The following DNAH17 variants were observed in gnomAD, a reference collection of about 807,000 sequenced individuals.
DNAH17 encodes axonemal beta dynein heavy chain 17.
Under a neutral mutation model 485.6 loss-of-function variants are expected in DNAH17, and 376 were observed. The ratio of observed to expected loss-of-function variants is 0.77; its 90% confidence interval spans 0.71 to 0.84. DNAH17 has a LOEUF of 0.84. Ranked by LOEUF, DNAH17 falls within the 40% of genes least tolerant of loss-of-function variation. DNAH17 has a pLI of 0.00. For missense variants in DNAH17, 6,370 were observed against 5,839.3 expected (o/e 1.09, Z -2.96); for synonymous variants, 3,031 against 2,405.9 (o/e 1.26, Z -7.60).
intron 2 of DNAH17, among the ~76,000 whole-genome samples, chr17:78,574,510 A>T (rs1358505837): frequency 6.6e-6 from 1 of 151,978 alleles, no homozygotes; most frequent in Non-Finnish European, 1.5e-5. Flanking sequence ...CTCAAAAAAA[A>T]AAAAAAATTT....
intron 14 of DNAH17, among the ~76,000 whole-genome samples, chr17:78,557,511 C>T (rs142123775): frequency 0.036 from 5,457 of 151,630 alleles, 158 homozygotes; most frequent in South Asian, 0.08. Context: ...TGGTGGTACA[C>T]GCCTGTAGTC....
intron 74 of DNAH17, among the ~76,000 whole-genome samples, chr17:78,436,491 G>A (rs2086853729): frequency 6.6e-6 from 1 of 152,012 alleles, no homozygotes; most frequent in African/African-American, 2.4e-5. Flanking sequence ...TCAAGTTTGT[G>A]CACACAAAAA....
At chr17:78,475,194 C>T (rs1006290330) in intron 54 of DNAH17, 84 bp downstream of exon 54, 1 of 1,473,002 alleles carries the variant, frequency 6.8e-7, no homozygotes, top group African/African-American at 1.4e-5. Context: ...TACTCGCTGG[C>T]TTCATTTTGG....
intron 54 of DNAH17, among the ~76,000 whole-genome samples, chr17:78,469,469 G>A (rs1454630100): frequency 1.3e-5 from 2 of 152,160 alleles, no homozygotes; most frequent in African/African-American, 4.8e-5. Flanking sequence ...AGAAACACAG[G>A]CCAGGTGCGG....
chr17:78,565,722 G>A (rs1206857001), intron 11 of DNAH17, among the ~76,000 whole-genome samples: 9 of 152,198 alleles, frequency 5.9e-5, no homozygotes, highest in Admixed American at 3.9e-4. Flanking sequence ...GGGAGGCTGA[G>A]GTGGGCGGAT....
intron 14 of DNAH17, among the ~76,000 whole-genome samples, chr17:78,555,810 A>G (rs1205265038): frequency 2.0e-5 from 3 of 152,192 alleles, no homozygotes; most frequent in Non-Finnish European, 4.4e-5. Flanking sequence ...GTCTCATCCA[A>G]CCGTTGAGGG....
intron 55 of DNAH17, among the ~76,000 whole-genome samples, chr17:78,468,355 G>A (rs1055460772): frequency 2.0e-5 from 3 of 152,050 alleles, no homozygotes; most frequent in Non-Finnish European, 4.4e-5. Context: ...TATCCATGGC[G>A]GTCCTGGAAT....
At chr17:78,437,038 T>C (rs1482323211) in intron 74 of DNAH17, among the ~76,000 whole-genome samples, 9 of 152,086 alleles carry the variant, frequency 5.9e-5, no homozygotes, top group Non-Finnish European at 1.3e-4. Flanking sequence ...GCCCTCACCC[T>C]CCGTCCTGGA....
chr17:78,425,676 C>T (rs1471134377), intron 79 of DNAH17, 105 bp from the exon 80 acceptor site: 5 of 1,023,600 alleles, frequency 4.9e-6, no homozygotes, highest in Non-Finnish European at 7.0e-6. Context: ...CTTCCACGGG[C>T]CACTCAGCGA....
chr17:78,438,741 C>T (rs1036223408), intron 73 of DNAH17, among the ~76,000 whole-genome samples: 10 of 152,020 alleles, frequency 6.6e-5, no homozygotes, highest in Admixed American at 3.3e-4. Context: ...TCAGGTGATC[C>T]GCCTGCCTTG....
chr17:78,532,655 C>T lies in DNAH17; in HGVS notation c.2941G>A (p.Glu981Lys), dbSNP rs377586375. The T allele has an allele frequency of 3.2e-5, 51 of 1,595,686 alleles. No individual in the cohort carries two copies. In the African/African-American group the frequency reaches 4.4e-4, roughly 14 times the overall value. ...CTCTCAAAGGAATCCTGGTACTCCT[C>T]GGCCTCCTTCATGGCATTGATGACC... ...SLVINAMKEA[E>K]EYQDSFERYS... The change falls in exon 20 of 81, where the codon GAG becomes AAG. Residue 981 changes from glutamate (E) to lysine (K), a missense_variant. Coordinates refer to ENST00000389840, the MANE Select transcript of DNAH17 (RefSeq NM_173628.4).
intron 24 of DNAH17, among the ~76,000 whole-genome samples, chr17:78,525,789 C>CG: frequency 6.6e-6 from 1 of 152,344 alleles, no homozygotes; most frequent in East Asian, 1.9e-4. Flanking sequence ...AAATCCAGCC[C>CG]GGGGCCCTAG....
intron 25 of DNAH17, among the ~76,000 whole-genome samples, chr17:78,523,875 C>A (rs1282692895): frequency 6.6e-6 from 1 of 152,144 alleles, no homozygotes; most frequent in East Asian, 1.9e-4. Context: ...TGCCACTGCA[C>A]CCCAGCCTGG....
chr17:78,498,353 C>T (rs966522768), intron 37 of DNAH17, among the ~76,000 whole-genome samples: 7 of 152,208 alleles, frequency 4.6e-5, no homozygotes, highest in East Asian at 1.9e-4. Context: ...TGTCCCAGGC[C>T]GCTAGGTCGG....
chr17:78,480,651 C>A, intron 49 of DNAH17, 33 bp downstream of exon 49: 1 of 1,571,896 alleles, frequency 6.4e-7, no homozygotes, highest in Non-Finnish European at 8.7e-7. Flanking sequence ...AGACTCATGG[C>A]AGGTGACGGG....
At chr17:78,550,824 G>A (rs948334909) in intron 16 of DNAH17, among the ~76,000 whole-genome samples, 6 of 152,208 alleles carry the variant, frequency 3.9e-5, no homozygotes, top group African/African-American at 1.4e-4. Context: ...CATTGTAGAT[G>A]AGGTCAAAAG....
At chr17:78,426,715 G>GACGCCCTGCATCAGGGCC (rs2086481268) in intron 78 of DNAH17, 115 bp from the exon 79 acceptor site, 4 of 1,438,644 alleles carry the variant, frequency 2.8e-6, no homozygotes, top group Admixed American at 2.2e-5. Context: ...CGCCTCTGGA[G>GACGCCCTGCATCAGGGCC]ACGCCCTGCA....
chr17:78,518,984 T>C (rs1269620243), intron 25 of DNAH17, among the ~76,000 whole-genome samples: 3 of 151,642 alleles, frequency 2.0e-5, no homozygotes, highest in Non-Finnish European at 4.4e-5. Context: ...CTGGCTAACA[T>C]GGTGAAACCC....
At chr17:78,451,884 C>T (rs1023916388) in intron 65 of DNAH17, among the ~76,000 whole-genome samples, 4 of 152,084 alleles carry the variant, frequency 2.6e-5, no homozygotes, top group South Asian at 2.1e-4. Context: ...CTGCTCTTTC[C>T]TTGGGTGATC....
Sources: allele counts gnomAD v4.1 joint callset (sites outside exome capture counted in the v4.1 genomes callset), GRCh38; gene constraint gnomAD v4.1.1; transcripts MANE v1.5; gene names NCBI Gene and HGNC (gene_info 2026-07-23, HGNC 2026-07-21).